Variants in ATP11A observed in about 807,000 individuals in gnomAD.
The protein encoded by ATP11A is phospholipid-transporting ATPase IH.
In ATP11A, 81 loss-of-function variants were observed where a neutral mutation model predicts 154.4. That is an observed-to-expected ratio of 0.52 (90% CI 0.44 to 0.63). The LOEUF is 0.63. Among genes scored for constraint, ATP11A ranks in the 30% least tolerant of loss-of-function variants. The pLI is 0.00. For missense variants in ATP11A, 1,316 were observed against 1,474.3 expected, an observed-to-expected ratio of 0.89 and a Z score of 1.76; for synonymous variants, 623 against 585.9, an observed-to-expected ratio of 1.06 and a Z score of -0.91.
At chr13:112,810,806 C>T (rs1354515523) in intron 5 of ATP11A, 80 bp downstream of exon 5, 13 of 1,252,432 alleles carry the variant, frequency 1.0e-5, no homozygotes, top group South Asian at 3.7e-5. Flanking sequence ...TGCAGTGGCT[C>T]GCGCCTCCAG....
At chr13:112,871,553 G>A (rs531433984) in intron 25 of ATP11A, among the ~76,000 whole-genome samples, 182 bp from the exon 26 acceptor site, 28 of 152,274 alleles carry the variant, frequency 1.8e-4, no homozygotes, top group African/African-American at 5.5e-4. Flanking sequence ...GCGTCCTGCC[G>A]TGCTCTGGGG....
At chr13:112,709,941 G>T (rs1887555598) in intron 1 of ATP11A, among the ~76,000 whole-genome samples, 1 of 152,270 alleles carries the variant, frequency 6.6e-6, no homozygotes. Flanking sequence ...GCTGCTCCCT[G>T]CTGCTGACCA....
chr13:112,858,573 C>T, intron 22 of ATP11A: 1 of 296,346 alleles, frequency 3.4e-6, no homozygotes, highest in South Asian at 4.8e-5. Flanking sequence ...CCATTCCGAG[C>T]AGCGTGATGA....
intron 14 of ATP11A, 141 bp from the exon 15 acceptor site, chr13:112,834,448 A>G: frequency 1.5e-6 from 1 of 646,956 alleles, no homozygotes; most frequent in Non-Finnish European, 2.8e-6. Flanking sequence ...TCCTAACTTT[A>G]TAATGCAGTT....
intron 1 of ATP11A, among the ~76,000 whole-genome samples, chr13:112,768,458 C>T (rs2077149752): frequency 6.6e-6 from 1 of 152,204 alleles, no homozygotes; most frequent in Non-Finnish European, 1.5e-5. Context: ...AGCTGAGCCG[C>T]CCTGGTGTCT....
chr13:112,826,542 C>T lies in ATP11A; in HGVS notation c.1024-152C>T, dbSNP rs933447385. 7.1e-5 allele frequency: 48 copies of T among 672,940 alleles called. No homozygotes were observed. The Admixed American group carries it at 7.6e-4, about 11-fold the overall frequency. 41.7% of individuals were successfully genotyped at this position (672,940 alleles called of 1,614,324 possible). Reference sequence around the variant, plus strand: ...ACCAGGTGACCCAGTGGCTGCCTTCCGCCCATAGTCCTTGTCTTTGGACTC... The same window carrying T: ...ACCAGGTGACCCAGTGGCTGCCTTCTGCCCATAGTCCTTGTCTTTGGACTC... On this transcript the variant is annotated intron_variant, in intron 11 of 29. Coordinates refer to ENST00000375645, the MANE Select transcript of ATP11A (RefSeq NM_015205.3).
intron 29 of ATP11A, chr13:112,880,450 C>A: frequency 9.2e-7 from 1 of 1,081,348 alleles, no homozygotes; most frequent in Non-Finnish European, 1.2e-6. Flanking sequence ...CGAGCCTCTT[C>A]CTGCTGGGGT....
intron 8 of ATP11A, 26 bp from the exon 9 acceptor site, chr13:112,823,319 C>A: frequency 6.2e-7 from 1 of 1,606,440 alleles, no homozygotes; most frequent in South Asian, 1.1e-5. Context: ...GTGTCCGCAT[C>A]ATTTCTGATC....
rs1204499306 is a variant in ATP11A, at chr13:112,753,770, AT to A, written c.40-31364del. 1.3e-5 allele frequency among the ~76,000 whole-genome samples: 2 copies of A among 151,700 alleles called. No individual in the cohort carries two copies. The highest frequency in any genetic ancestry group is 2.9e-5 in the Non-Finnish European group (2 of 67,976). On this transcript the variant is annotated intron_variant, in intron 1 of 29. Transcript: ENST00000375645. This position sits in a 1 kb window ranked among gnomAD's most constrained non-coding sequence, Gnocchi z 4.1. Reference sequence around the variant, plus strand: ...CAATAAAGTGAGTCACATAAAAAAAATAATGGAGACAGTGATTCCCAGGCCA... The same window carrying A: ...CAATAAAGTGAGTCACATAAAAAAAAAATGGAGACAGTGATTCCCAGGCCA...
At position 112,791,147 on chromosome 13, in the gene ATP11A, C is replaced by G. The variant is rs562268574; in HGVS notation, c.162+5890C>G. Among the ~76,000 whole-genome samples, 141 of 152,346 alleles carry G rather than the reference C, an allele frequency of 9.3e-4. 1 individual carries two copies. The highest frequency in any genetic ancestry group is 1.8e-3 in the Admixed American group (28 of 15,304). ...CCACCCTCCAGCCCAAAACAAATCCCAAACATACTGCTTAGAACTCAGCCT... is the reference window on the plus strand; with the variant it reads ...CCACCCTCCAGCCCAAAACAAATCCGAAACATACTGCTTAGAACTCAGCCT... On this transcript the variant is annotated intron_variant, in intron 2 of 29. Coordinates refer to ENST00000375645, the MANE Select transcript of ATP11A (RefSeq NM_015205.3).
chr13:112,816,824 A>T (rs768800246), intron 6 of ATP11A, among the ~76,000 whole-genome samples: 3 of 152,228 alleles, frequency 2.0e-5, no homozygotes, highest in Non-Finnish European at 4.4e-5. Flanking sequence ...ACCTGTGTCA[A>T]TTAGCTAATG....
At chr13:112,862,796 A>G (rs7324543) in intron 25 of ATP11A, among the ~76,000 whole-genome samples, 2,182 of 133,998 alleles carry the variant, frequency 0.016, 138 homozygotes, top group African/African-American at 0.064. Flanking sequence ...GCTTCCCAGC[A>G]GGGTCCATCA....
At chr13:112,727,958 T>C (rs533851912) in intron 1 of ATP11A, among the ~76,000 whole-genome samples, 112 of 152,362 alleles carry the variant, frequency 7.4e-4, no homozygotes, top group South Asian at 4.1e-3. Context: ...TCGATACATG[T>C]AGGGTTCCAG....
At chr13:112,813,386 T>A (rs78523966) in intron 5 of ATP11A, among the ~76,000 whole-genome samples, 4,587 of 152,282 alleles carry the variant, frequency 0.03, 222 homozygotes, top group African/African-American at 0.1. Flanking sequence ...CTTTTGGGGT[T>A]GGCTGTTTTC....
intron 1 of ATP11A, among the ~76,000 whole-genome samples, chr13:112,756,379 T>C (rs551555433): frequency 1.3e-5 from 2 of 152,296 alleles, no homozygotes; most frequent in Non-Finnish European, 2.9e-5. Context: ...GCAGGCCACC[T>C]CTCTCACCTG....
chr13:112,836,278 T>G lies in ATP11A; in HGVS notation c.1705+27T>G, dbSNP rs748535142. 144 of 1,470,338 alleles carry G rather than the reference T, an allele frequency of 9.8e-5. 3 individuals carry two copies. The South Asian group carries it at 1.6e-3, about 16-fold the overall frequency. 91.1% of individuals were successfully genotyped at this position (1,470,338 alleles called of 1,614,324 possible). ...TAAAATTTCTTTTTCTTTTGATTTA[T>G]TAAGTTATACGTGGTGGTTGTGTTT... On this transcript the variant is annotated intron_variant, in intron 16 of 29. Transcript: ENST00000375645.
intron 1 of ATP11A, among the ~76,000 whole-genome samples, chr13:112,714,507 T>C (rs377058950): frequency 6.6e-4 from 101 of 152,262 alleles, no homozygotes; most frequent in African/African-American, 2.3e-3. Context: ...GCTCTGGGCC[T>C]CCCCAGGGCT....
chr13:112,735,941 G>T lies in ATP11A; in HGVS notation c.39+45486G>T, dbSNP rs186344329. Among the ~76,000 whole-genome samples, 53 of 152,244 alleles carry T rather than the reference G, an allele frequency of 3.5e-4. No homozygotes were observed. In the East Asian group the frequency reaches 0.01, roughly 29 times the overall value. ...CTCCGTGTGCGCATGCTCTGCTGCC[G>T]GGCCACCTCCCGCACCTCCGTCTGC... On this transcript the variant is annotated intron_variant, in intron 1 of 29. Coordinates refer to ENST00000375645, the MANE Select transcript of ATP11A (RefSeq NM_015205.3).
chr13:112,706,406 A>C (rs1887143443), intron 1 of ATP11A, among the ~76,000 whole-genome samples: 1 of 152,180 alleles, frequency 6.6e-6, no homozygotes, highest in Admixed American at 6.5e-5. Context: ...TACAGCTCAT[A>C]ATGATGTTAG....
Sources: gnomAD v4.1 joint callset for allele counts (sites outside exome capture counted in the v4.1 genomes callset) on GRCh38, gnomAD v4.1.1 for gene constraint, Gnocchi (gnomAD v3.1) non-coding constraint, MANE v1.5 for transcripts, NCBI Gene and HGNC (gene_info 2026-07-23, HGNC 2026-07-21) for gene names.